Variants in IL12RB1 observed in about 807,000 individuals in gnomAD.
IL12RB1 encodes the protein interleukin 12 receptor subunit beta 1, also known as interleukin-12 receptor subunit beta-1.
In IL12RB1, 64 loss-of-function variants were observed where a neutral mutation model predicts 94.4. The ratio of observed to expected loss-of-function variants is 0.68; its 90% CI spans 0.55 to 0.83. IL12RB1 has a LOEUF of 0.83. IL12RB1 is among the 40% of genes least tolerant of loss of function. The probability of loss-of-function intolerance (pLI) is 0.00; values close to 1 mark genes in which losing one functional copy is unlikely to be tolerated. For missense variants in IL12RB1, 814 were observed against 855.6 expected, an observed-to-expected ratio of 0.95 and a Z score of 0.61; for synonymous variants, 362 against 355.5, an observed-to-expected ratio of 1.02 and a Z score of -0.21.
At chr19:18,087,249 G>A (rs553256975), upstream of IL12RB1, among the ~76,000 whole-genome samples, 7 of 147,728 alleles carry the variant, frequency 4.7e-5, no homozygotes, top group South Asian at 6.4e-4. Flanking sequence ...CTGCTCTGTC[G>A]CCCGGGCTGG....
intron 1 of IL12RB1, among the ~76,000 whole-genome samples, chr19:18,094,058 A>G (rs2036767268): frequency 6.6e-6 from 1 of 152,234 alleles, no homozygotes; most frequent in African/African-American, 2.4e-5. Context: ...TTCATTAAAT[A>G]ACATTTAAAT....
intron 3 of IL12RB1, 77 bp from the exon 4 acceptor site, chr19:18,081,078 C>T (rs1286792833): frequency 2.4e-5 from 32 of 1,319,550 alleles, no homozygotes; most frequent in Non-Finnish European, 3.2e-5. Flanking sequence ...GCATCACATC[C>T]CAGCATCGTT....
At position 18,061,165 on chromosome 19, in the gene IL12RB1, G is replaced by A. The variant is rs2034092795; in HGVS notation, c.1748C>T (p.Thr583Ile). ...AARHLCPPLP[T>I]PCASSAIEFP... ...CTCAATGGCGGAGCTGGCACAGGGT[G>A]TGGGCAGCGGCGGGCACAGGTGCCG... is the stretch of plus-strand genomic sequence containing the variant. The change falls in exon 15 of 17, where the codon ACA (threonine) becomes ATA (isoleucine). Residue 583 changes from threonine to isoleucine, a missense_variant. Coordinates refer to ENST00000593993, the MANE Select transcript of IL12RB1 (RefSeq NM_005535.3). 6.2e-7 allele frequency: 1 copy of A among 1,602,740 alleles called. No individual in the cohort carries two copies. The highest frequency in any genetic ancestry group is 1.7e-5 in the Admixed American group (1 of 58,694).
chr19:18,063,201 T>C (rs1203410709), intron 13 of IL12RB1, among the ~76,000 whole-genome samples: 7 of 139,134 alleles, frequency 5.0e-5, no homozygotes, highest in African/African-American at 1.6e-4. Flanking sequence ...TCTCAAGCCA[T>C]CCTCCCACCT....
chr19:18,066,000 C>A (rs57673786), intron 12 of IL12RB1, among the ~76,000 whole-genome samples: 5 of 149,752 alleles, frequency 3.3e-5, no homozygotes, highest in African/African-American at 1.2e-4. Context: ...GATGGCACCA[C>A]TGCACTCCAG....
At position 18,059,460 on chromosome 19, in the gene IL12RB1, C is replaced by A. The variant is rs901334647; in HGVS notation, c.*148G>T. ...TTCATGGCAGCATCTAGGGTTCCCC[C>A]GCAGGATGGGTGGCAACAGGCACGG... On this transcript the variant is annotated 3_prime_UTR_variant, in exon 17 of 17. Coordinates refer to ENST00000593993, the MANE Select transcript of IL12RB1 (RefSeq NM_005535.3). 6.5e-5 allele frequency: 46 copies of A among 702,504 alleles called. No individual in the cohort carries two copies. The East Asian group carries it at 1.2e-3, about 19-fold the overall frequency. The allele number at this position is 702,504 out of a possible 1,614,324, so 43.5% of individuals were successfully genotyped here.
chr19:18,083,998 T>A (rs2036119870), intron 1 of IL12RB1, among the ~76,000 whole-genome samples: 2 of 147,380 alleles, frequency 1.4e-5, no homozygotes, highest in South Asian at 4.3e-4. Flanking sequence ...CATCCATCCA[T>A]GCACCCATCT....
chr19:18,063,076 C>CTTTTTTTTTTT (rs1345434373), intron 13 of IL12RB1, among the ~76,000 whole-genome samples: 3 of 75,258 alleles, frequency 4.0e-5, no homozygotes, highest in South Asian at 4.6e-4. Context: ...TCTTCTTCTT[C>CTTTTTTTTTTT]TATTTTTTTT....
At chr19:18,094,573 AT>A (rs1161374853) in intron 1 of IL12RB1, among the ~76,000 whole-genome samples, 4 of 152,226 alleles carry the variant, frequency 2.6e-5, no homozygotes, top group Non-Finnish European at 1.5e-5. Flanking sequence ...CAAATTTAAA[AT>A]ATAGAGTTGC....
intron 3 of IL12RB1, 43 bp from the exon 4 acceptor site, chr19:18,081,044 A>T: frequency 1.3e-6 from 2 of 1,566,548 alleles, no homozygotes; most frequent in Non-Finnish European, 1.7e-6. Flanking sequence ...CTGGGGTCCT[A>T]GTGGACCCCA....
rs1319699969 is a variant in IL12RB1, at chr19:18,075,887, A to G, written c.581-19T>C. The G allele has an allele frequency of 2.5e-6, 4 of 1,612,180 alleles. No homozygotes were observed. Among genetic ancestry groups the G allele is most frequent in the Non-Finnish European group, 3.4e-6 (4 of 1,178,336 alleles). ...CAGGACTCTGGGGAGAGGCAGGTCG[A>G]ACATCAGGCCGTAAGAATTGTCCAG... On this transcript the variant is annotated intron_variant, in intron 6 of 16. Coordinates refer to ENST00000593993, the MANE Select transcript of IL12RB1 (RefSeq NM_005535.3).
chr19:18,062,362 G>T, intron 13 of IL12RB1, 85 bp from the exon 14 acceptor site: 1 of 792,222 alleles, frequency 1.3e-6, no homozygotes, highest in Non-Finnish European at 2.1e-6. Flanking sequence ...GTTTCTCCAT[G>T]AACTTGCTGC....
chr19:18,081,189 T>C lies in IL12RB1; in HGVS notation c.240-188A>G, dbSNP rs1351108887. Among the ~76,000 whole-genome samples, 3 of 151,888 alleles carry C rather than the reference T, an allele frequency of 2.0e-5. 1 individual carries two copies. The highest frequency in any genetic ancestry group is 4.4e-5 in the Non-Finnish European group (3 of 67,958). ...CGGCTCACTGCAACCTCCACCTCCCTGGTTCAAGCAATTCTCCCACCTCAG... is the reference window on the plus strand; with the variant it reads ...CGGCTCACTGCAACCTCCACCTCCCCGGTTCAAGCAATTCTCCCACCTCAG... On this transcript the variant is annotated intron_variant, in intron 3 of 16. Transcript: ENST00000593993.
At chr19:18,063,078 A>ATTTTTTTTTTTTT (rs67262412) in intron 13 of IL12RB1, among the ~76,000 whole-genome samples, 6 of 51,462 alleles carry the variant, frequency 1.2e-4, no homozygotes, top group African/African-American at 2.1e-4. Flanking sequence ...TTCTTCTTCT[A>ATTTTTTTTTTTTT]TTTTTTTTTT....
At chr19:18,070,647 T>A in intron 9 of IL12RB1, 6 of 462,930 alleles carry the variant, frequency 1.3e-5, no homozygotes, top group South Asian at 9.2e-5. Flanking sequence ...TTCACTATGA[T>A]ATGGGACCAG....
chr19:18,089,417 G>C (rs2036534691), upstream of IL12RB1, among the ~76,000 whole-genome samples: 1 of 152,070 alleles, frequency 6.6e-6, no homozygotes, highest in African/African-American at 2.4e-5. Context: ...TTGAGGTCAG[G>C]AGTTCGAGAC....
At chr19:18,070,447 T>C (rs1335120991) in intron 9 of IL12RB1, 8 of 818,612 alleles carry the variant, frequency 9.8e-6, no homozygotes, top group African/African-American at 1.9e-5. Flanking sequence ...GGTGGTCTCA[T>C]GCCAAACTCA....
Position 18,068,418 on chromosome 19 carries a change from A to T in IL12RB1, c.1298T>A (p.Val433Asp). Residue 433 changes from valine (V) to aspartate (D), a missense_variant, in exon 11 of 17, where the codon GTC becomes GAC. Val to Asp is a radical substitution (Grantham distance 152). Coordinates refer to ENST00000593993, the MANE Select transcript of IL12RB1 (RefSeq NM_005535.3). ...GCCCCCAAAGTGGTAGGTGGACAGG[A>T]CCGTAGACCACAAGGTGAGCTTCTC... The part of the protein sequence containing the change: ...HPEKLTLWST[V>D]LSTYHFGGNA... The T allele has an allele frequency of 6.2e-7, 1 of 1,613,408 alleles. No homozygotes were observed. Among genetic ancestry groups the T allele is most frequent in the African/African-American group, 1.3e-5 (1 of 74,916 alleles).
intron 16 of IL12RB1, 62 bp downstream of exon 16, chr19:18,059,832 A>C (rs1307691971): frequency 8.6e-6 from 8 of 927,818 alleles, no homozygotes; most frequent in African/African-American, 6.6e-5. Context: ...ATGGATGTCT[A>C]GCCCCCCCAC....
Sources: allele counts gnomAD v4.1 joint callset (sites outside exome capture counted in the v4.1 genomes callset), GRCh38; gene constraint gnomAD v4.1.1; transcripts MANE v1.5; gene names NCBI Gene and HGNC (gene_info 2026-07-23, HGNC 2026-07-21).